The following JAK1 variants were observed in gnomAD, a reference collection of about 807,000 sequenced individuals.
The protein encoded by JAK1 is tyrosine-protein kinase JAK1.
JAK1 carries 16 observed loss-of-function variants against 136.6 expected under a neutral mutation model. The ratio of observed to expected loss-of-function variants is 0.12; its 90% CI spans 0.08 to 0.18. JAK1 has a LOEUF of 0.18. JAK1 is among the 10% of genes least tolerant of loss of function. The probability of loss-of-function intolerance (pLI) is 1.00; values close to 1 mark genes in which losing one functional copy is unlikely to be tolerated. For missense variants in JAK1, 859 were observed against 1,450.1 expected, an observed-to-expected ratio of 0.59 and a Z score of 6.62; for synonymous variants, 492 against 519.5, an observed-to-expected ratio of 0.95 and a Z score of 0.72.
chr1:64,989,064 C>A (rs1468431186), intron 2 of JAK1, among the ~76,000 whole-genome samples: 1 of 145,736 alleles, frequency 6.9e-6, no homozygotes, highest in Non-Finnish European at 1.5e-5. Context: ...TGGTGGCTCA[C>A]GCCTGTAATC....
intron 1 of JAK1, among the ~76,000 whole-genome samples, chr1:64,900,107 G>A (rs777989078): frequency 5.3e-5 from 8 of 152,180 alleles, no homozygotes; most frequent in African/African-American, 9.6e-5. Flanking sequence ...GGTTATACAG[G>A]AAATTAGGGC....
chr1:64,835,320 C>T, intron 24 of JAK1, 76 bp downstream of exon 24: 1 of 733,990 alleles, frequency 1.4e-6, no homozygotes, highest in Non-Finnish European at 2.3e-6. Context: ...CTCCCCTCTA[C>T]CCATTGCTGG....
intron 1 of JAK1, among the ~76,000 whole-genome samples, chr1:64,889,023 T>C (rs541981949): frequency 1.2e-4 from 19 of 152,340 alleles, no homozygotes; most frequent in Non-Finnish European, 2.4e-4. Flanking sequence ...TCATTCAGGA[T>C]GACAAGCGGT....
chr1:64,893,834 G>C (rs530639234), intron 1 of JAK1, among the ~76,000 whole-genome samples: 19 of 152,252 alleles, frequency 1.2e-4, no homozygotes, highest in Admixed American at 9.2e-4. Flanking sequence ...ATCTCCTGCT[G>C]ATAAGTCATC....
At chr1:64,955,255 A>C (rs1452162342) in intron 1 of JAK1, among the ~76,000 whole-genome samples, 1 of 152,208 alleles carries the variant, frequency 6.6e-6, no homozygotes, top group Non-Finnish European at 1.5e-5. Flanking sequence ...GTGTGTCTGC[A>C]AAAGAACAGA....
Position 64,855,512 on chromosome 1 carries a change from G to C in JAK1, c.1645C>G (p.Arg549Gly). Residue 549 changes from arginine to glycine, a missense_variant, in exon 11 of 25, where the codon CGA becomes GGA. By Grantham distance (125) the Arg-to-Gly change is moderately radical. Transcript: ENST00000342505. ...GCTCTGGCACAGGGAGACGAACCTC[G>C]GGGCTTGGGCTGGCAGCAGCGTTTT... The part of the protein sequence containing the change: ...MLKRCCQPKP[R>G]EISNLLVATK... The C allele has an allele frequency of 8.1e-6, 13 of 1,613,746 alleles. No individual in the cohort carries two copies. The highest frequency in any genetic ancestry group is 1.1e-5 in the Non-Finnish European group (13 of 1,179,794).
intron 1 of JAK1, among the ~76,000 whole-genome samples, chr1:64,944,696 G>GA (rs893455889): frequency 2.2e-4 from 33 of 151,832 alleles, no homozygotes; most frequent in Admixed American, 1.8e-3. Flanking sequence ...CTAGCAAATG[G>GA]AAAAAAAGGT....
At chr1:64,857,965 G>A (rs544072906) in intron 9 of JAK1, among the ~76,000 whole-genome samples, 186 bp from the exon 10 acceptor site, 1 of 152,304 alleles carries the variant, frequency 6.6e-6, no homozygotes, top group South Asian at 2.1e-4. Context: ...AGTGGCCTCA[G>A]GACCGATGGA....
intron 1 of JAK1, among the ~76,000 whole-genome samples, chr1:64,956,501 C>T (rs529074034): frequency 5.8e-4 from 88 of 152,356 alleles, no homozygotes; most frequent in South Asian, 1.2e-3. Flanking sequence ...ATGTCACTTT[C>T]TCAGACCAGG....
Position 64,855,707 on chromosome 1 carries a change from G to A in JAK1, c.1459-9C>T. Reference sequence around the variant, plus strand: ...TGGGCACCCTGCACCTGCTATTCGGGAAATGACCAGAAATTACATGTTTAA... The same window carrying A: ...TGGGCACCCTGCACCTGCTATTCGGAAAATGACCAGAAATTACATGTTTAA... On this transcript the variant is annotated splice_polypyrimidine_tract_variant and intron_variant, in intron 10 of 24. Transcript: ENST00000342505. 1 of 1,606,898 alleles carries A rather than the reference G, an allele frequency of 6.2e-7. No homozygotes were observed. Among genetic ancestry groups the A allele is most frequent in the Non-Finnish European group, 8.5e-7 (1 of 1,174,386 alleles).
At chr1:64,896,323 T>C (rs1645013018) in intron 1 of JAK1, among the ~76,000 whole-genome samples, 1 of 152,250 alleles carries the variant, frequency 6.6e-6, no homozygotes, top group Admixed American at 6.5e-5. Context: ...AACTATTTAG[T>C]GGCAATGCCT....
At chr1:64,887,651 C>T (rs1190756515) in intron 1 of JAK1, among the ~76,000 whole-genome samples, 12 of 152,182 alleles carry the variant, frequency 7.9e-5, no homozygotes, top group African/African-American at 2.9e-4. Context: ...AGCTAAAATG[C>T]TATGAAGGAA....
intron 2 of JAK1, chr1:64,985,504 G>A (rs1646590157): frequency 5.8e-6 from 9 of 1,561,554 alleles, no homozygotes; most frequent in Non-Finnish European, 7.9e-6. Flanking sequence ...GCTGCACTTT[G>A]TAGCATAGCA....
intron 2 of JAK1, among the ~76,000 whole-genome samples, chr1:65,035,445 C>G (rs1647064355): frequency 6.6e-6 from 1 of 152,134 alleles, no homozygotes; most frequent in African/African-American, 2.4e-5. Flanking sequence ...AAGGTATGAA[C>G]TTGGAGTTGA....
At chr1:65,011,672 G>A (rs1470452398) in intron 2 of JAK1, among the ~76,000 whole-genome samples, 1 of 152,176 alleles carries the variant, frequency 6.6e-6, no homozygotes, top group Non-Finnish European at 1.5e-5. Flanking sequence ...TTTCACCTGT[G>A]ATGACTAGAC....
chr1:64,954,544 C>A (rs1646148154), intron 1 of JAK1, among the ~76,000 whole-genome samples: 1 of 152,154 alleles, frequency 6.6e-6, no homozygotes, highest in Non-Finnish European at 1.5e-5. Context: ...CCATATTGTC[C>A]CAAAGCCTTT....
intron 1 of JAK1, among the ~76,000 whole-genome samples, chr1:64,938,416 C>T (rs372576518): frequency 1.3e-5 from 2 of 151,984 alleles, no homozygotes; most frequent in African/African-American, 2.4e-5. Context: ...GAAACAAGAC[C>T]CAGAAGCATT....
chr1:64,907,974 G>A (rs763598330), intron 1 of JAK1, among the ~76,000 whole-genome samples: 33 of 152,060 alleles, frequency 2.2e-4, no homozygotes, highest in Non-Finnish European at 3.8e-4. Flanking sequence ...CATATTTTTC[G>A]AATATGGAAC....
chr1:64,903,755 G>A (rs1197173473), intron 1 of JAK1, among the ~76,000 whole-genome samples: 1 of 152,180 alleles, frequency 6.6e-6, no homozygotes. Flanking sequence ...CTGCTGCAGT[G>A]ACTATTACTG....
Sources: gnomAD v4.1 joint callset for allele counts (sites outside exome capture counted in the v4.1 genomes callset) on GRCh38, gnomAD v4.1.1 for gene constraint, MANE v1.5 for transcripts, NCBI Gene and HGNC (gene_info 2026-07-23, HGNC 2026-07-21) for gene names.